RANBP2: variants seen among roughly 807,000 people sequenced by gnomAD.
The protein encoded by RANBP2 is E3 SUMO-protein ligase RanBP2.
A neutral mutation model predicts 303.6 loss-of-function variants in RANBP2; 57 were observed. The ratio of observed to expected loss-of-function variants is 0.19; its 90% CI spans 0.15 to 0.23. The LOEUF (loss-of-function observed/expected upper bound fraction) is 0.23, where lower values mean the gene tolerates loss of function less well. RANBP2 is among the 10% of genes least tolerant of loss of function. The pLI is 1.00. For missense variants in RANBP2, 3,138 were observed against 3,780.8 expected, an observed-to-expected ratio of 0.83 and a Z score of 4.46; for synonymous variants, 1,167 against 1,301.5, an observed-to-expected ratio of 0.90 and a Z score of 2.23.
At chr2:109,432,368 C>T in the RANBP2 span, 8 of 1,149,748 alleles carry the variant, frequency 7.0e-6, no homozygotes, top group Non-Finnish European at 9.8e-6. Flanking sequence ...CTGTAAACTG[C>T]AGAGCCCCCA....
the RANBP2 span, among the ~76,000 whole-genome samples, chr2:109,148,753 G>C: frequency 6.6e-6 from 1 of 152,186 alleles, no homozygotes; most frequent in Non-Finnish European, 1.5e-5. Context: ...ACTGGGGCTC[G>C]GTCATAGACA....
the RANBP2 span, among the ~76,000 whole-genome samples, chr2:109,280,646 AT>A: frequency 2.6e-5 from 4 of 152,206 alleles, no homozygotes; most frequent in African/African-American, 9.6e-5. Context: ...TCATCAAAAG[AT>A]TATTTTGAGA....
chr2:109,329,552 G>A, the RANBP2 span, among the ~76,000 whole-genome samples: 1 of 152,228 alleles, frequency 6.6e-6, no homozygotes, highest in Non-Finnish European at 1.5e-5. Context: ...GCACTGGGGT[G>A]CAGCCTTCCT....
the RANBP2 span, among the ~76,000 whole-genome samples, chr2:109,655,479 T>A: frequency 2.0e-5 from 3 of 152,068 alleles, no homozygotes; most frequent in Non-Finnish European, 4.4e-5. Flanking sequence ...AGGTGACTCA[T>A]GCACAGGAAG....
chr2:109,485,301 TACGGGTC>T, the RANBP2 span, among the ~76,000 whole-genome samples: 4 of 152,244 alleles, frequency 2.6e-5, no homozygotes, highest in African/African-American at 9.6e-5. Context: ...AATGTGCACT[TACGGGTC>T]ACATGTACAG....
chr2:109,047,279 A>T, the RANBP2 span, among the ~76,000 whole-genome samples: 1 of 152,170 alleles, frequency 6.6e-6, no homozygotes, highest in South Asian at 2.1e-4. Context: ...GCTAGTGATT[A>T]GGTAATGCAG....
the RANBP2 span, among the ~76,000 whole-genome samples, chr2:108,982,274 C>A: frequency 3.3e-5 from 5 of 152,236 alleles, no homozygotes; most frequent in African/African-American, 1.2e-4. Context: ...CCCATCCAGC[C>A]CACACTGGGA....
At chr2:109,628,529 A>AATAT in the RANBP2 span, among the ~76,000 whole-genome samples, 1 of 148,376 alleles carries the variant, frequency 6.7e-6, no homozygotes, top group African/African-American at 2.6e-5. Context: ...TAAATAAATA[A>AATAT]ATAAATAAAT....
the RANBP2 span, among the ~76,000 whole-genome samples, chr2:109,023,821 C>A: frequency 3.3e-5 from 5 of 152,230 alleles, no homozygotes; most frequent in East Asian, 9.6e-4. Context: ...AACAAACAAA[C>A]AAAAACAAAC....
the RANBP2 span, among the ~76,000 whole-genome samples, chr2:109,014,521 T>C: frequency 6.6e-6 from 1 of 152,256 alleles, no homozygotes; most frequent in African/African-American, 2.4e-5. Flanking sequence ...CTATGTTAAG[T>C]ACAACCAAGG....
chr2:109,567,150 A>T, the RANBP2 span, among the ~76,000 whole-genome samples: 1,527 of 152,290 alleles, frequency 0.01, 13 homozygotes, highest in Non-Finnish European at 0.017. Context: ...GACATCATTT[A>T]TCCCTCACAA....
chr2:108,882,915 T>C, the RANBP2 span: 2 of 151,942 alleles, frequency 1.3e-5, no homozygotes, highest in African/African-American at 4.8e-5. Flanking sequence ...AAAAAAGACC[T>C]TGTCTTCTTT....
chr2:109,273,942 A>G, the RANBP2 span, among the ~76,000 whole-genome samples: 4 of 152,194 alleles, frequency 2.6e-5, no homozygotes, highest in Non-Finnish European at 4.4e-5. Flanking sequence ...CTTTAGGGCT[A>G]TGTGACTTTC....
chr2:109,732,490 T>C, the RANBP2 span, among the ~76,000 whole-genome samples: 1 of 151,324 alleles, frequency 6.6e-6, no homozygotes, highest in African/African-American at 2.4e-5. Flanking sequence ...CTTTTTTTTT[T>C]TTTTTTGAGA....
the RANBP2 span, among the ~76,000 whole-genome samples, chr2:109,578,547 AC>A: frequency 6.6e-6 from 1 of 151,980 alleles, no homozygotes; most frequent in South Asian, 2.1e-4. Flanking sequence ...GGGTGGAATC[AC>A]CTGAGGTCAG....
chr2:109,201,577 A>T, the RANBP2 span, among the ~76,000 whole-genome samples: 4 of 151,924 alleles, frequency 2.6e-5, no homozygotes, highest in Non-Finnish European at 4.4e-5. Context: ...TTCAGTTTTG[A>T]GGTCTCTGAA....
At chr2:109,349,170 G>A in the RANBP2 span, among the ~76,000 whole-genome samples, 1 of 152,158 alleles carries the variant, frequency 6.6e-6, no homozygotes, top group African/African-American at 2.4e-5. Context: ...AGAGCTCGAG[G>A]TGGCACTCTC....
chr2:109,656,272 C>T, the RANBP2 span, among the ~76,000 whole-genome samples: 1 of 152,282 alleles, frequency 6.6e-6, no homozygotes, highest in African/African-American at 2.4e-5. Context: ...AAGTGTATAC[C>T]ATCCATTGGA....
chr2:109,524,444 C>CAAAAAAAAAAAAAAAAAAAAAAAAA, the RANBP2 span, among the ~76,000 whole-genome samples: 5 of 84,406 alleles, frequency 5.9e-5, no homozygotes, highest in African/African-American at 2.6e-4. Context: ...GACCCTGTCT[C>CAAAAAAAAAAAAAAAAAAAAAAAAA]AAAAAAAAAA....
Sources: gnomAD v4.1 joint callset for allele counts (sites outside exome capture counted in the v4.1 genomes callset) on GRCh38, gnomAD v4.1.1 for gene constraint, MANE v1.5 for transcripts, NCBI Gene and HGNC (gene_info 2026-07-23, HGNC 2026-07-21) for gene names.